Variants in EBF1 observed in about 807,000 individuals in gnomAD.
The protein encoded by EBF1 is transcription factor COE1.
A neutral mutation model predicts 68.4 loss-of-function variants in EBF1; 10 were observed. The observed-to-expected ratio is 0.15, with a 90% CI of 0.09 to 0.25. The LOEUF is 0.25. Among genes scored for constraint, EBF1 ranks in the 10% least tolerant of loss-of-function variants. The pLI is 1.00. For synonymous variants in EBF1, 298 were observed against 299.8 expected, an observed-to-expected ratio of 0.99 and a Z score of 0.06; for missense variants, 509 against 794.4, an observed-to-expected ratio of 0.64 and a Z score of 4.32.
At chr5:158,824,911 A>G (rs1418639279) in intron 7 of EBF1, among the ~76,000 whole-genome samples, 1 of 152,222 alleles carries the variant, frequency 6.6e-6, no homozygotes, top group Non-Finnish European at 1.5e-5. Flanking sequence ...CTATGAACAC[A>G]TCACCCATAC....
At chr5:158,763,923 T>A (rs1188692451) in intron 10 of EBF1, among the ~76,000 whole-genome samples, 1 of 152,158 alleles carries the variant, frequency 6.6e-6, no homozygotes, top group African/African-American at 2.4e-5. Context: ...GTCCAGGCTA[T>A]CTCTGAGGAC....
At chr5:158,769,813 T>C (rs1258834231) in intron 10 of EBF1, among the ~76,000 whole-genome samples, 1 of 152,114 alleles carries the variant, frequency 6.6e-6, no homozygotes, top group Non-Finnish European at 1.5e-5. Flanking sequence ...AATTCTTTTC[T>C]TTGTGTGTAA....
chr5:158,912,844 G>A (rs185364323), intron 6 of EBF1, among the ~76,000 whole-genome samples: 32 of 152,224 alleles, frequency 2.1e-4, no homozygotes, highest in Non-Finnish European at 5.9e-5. Flanking sequence ...AAAAGATGTA[G>A]CACATGAAAA....
At chr5:159,018,494 T>C (rs1454628064) in intron 6 of EBF1, among the ~76,000 whole-genome samples, 2 of 152,238 alleles carry the variant, frequency 1.3e-5, no homozygotes, top group Non-Finnish European at 2.9e-5. Flanking sequence ...ACACAGTGAG[T>C]GTATGAAGAA....
chr5:158,986,617 A>ATATTC (rs976941053), intron 6 of EBF1, among the ~76,000 whole-genome samples: 5 of 152,244 alleles, frequency 3.3e-5, no homozygotes, highest in African/African-American at 1.2e-4. Context: ...TTCTTAAAAA[A>ATATTC]TATTCTGCCG....
Position 158,793,759 on chromosome 5 carries a change from C to G in EBF1, c.909+2586G>C, listed in dbSNP as rs566764732. Reference sequence around the variant, plus strand: ...CCATAAAGTGCCTACACATGATGAACCCTTAGCAAGTCTGAGCTATTTCTC... The same window carrying G: ...CCATAAAGTGCCTACACATGATGAAGCCTTAGCAAGTCTGAGCTATTTCTC... On this transcript the variant is annotated intron_variant, in intron 9 of 15. Coordinates refer to ENST00000313708, the MANE Select transcript of EBF1 (RefSeq NM_024007.5). Among the ~76,000 whole-genome samples, 6 of 152,250 alleles carry G rather than the reference C, an allele frequency of 3.9e-5. No homozygotes were observed. The South Asian group carries it at 1.2e-3, about 32-fold the overall frequency.
intron 14 of EBF1, among the ~76,000 whole-genome samples, chr5:158,709,583 G>C (rs1049650038): frequency 7.9e-5 from 12 of 152,172 alleles, no homozygotes; most frequent in Non-Finnish European, 1.5e-5. Flanking sequence ...TTGGTCATAG[G>C]CAACAATTGC....
At chr5:158,986,006 C>A (rs1758954942) in intron 6 of EBF1, 1 of 152,448 alleles carries the variant, frequency 6.6e-6, no homozygotes, top group African/African-American at 2.4e-5. Context: ...TCAATAACCA[C>A]TTACCCCAGC....
chr5:159,077,910 G>C (rs1025693355), intron 5 of EBF1, among the ~76,000 whole-genome samples: 1 of 151,672 alleles, frequency 6.6e-6, no homozygotes, highest in Non-Finnish European at 1.5e-5. Flanking sequence ...GGCTAATTTT[G>C]TGTATTTTTT....
At chr5:159,074,220 G>A (rs1001237360) in intron 5 of EBF1, among the ~76,000 whole-genome samples, 3 of 152,142 alleles carry the variant, frequency 2.0e-5, no homozygotes, top group Non-Finnish European at 4.4e-5. Context: ...CTATGGGCTC[G>A]AAAAGTACCT....
At chr5:159,046,103 G>A (rs540250240) in intron 6 of EBF1, among the ~76,000 whole-genome samples, 1 of 152,068 alleles carries the variant, frequency 6.6e-6, no homozygotes, top group Non-Finnish European at 1.5e-5. Context: ...ATTCCTCCAA[G>A]TCTAACTCAA....
chr5:158,882,959 A>G (rs1799176423), intron 6 of EBF1, among the ~76,000 whole-genome samples: 1 of 152,002 alleles, frequency 6.6e-6, no homozygotes, highest in Admixed American at 6.6e-5. Context: ...GAATCATTCC[A>G]TTTCTATTTG....
chr5:159,021,663 TC>T (rs1399739918), intron 6 of EBF1, among the ~76,000 whole-genome samples: 1 of 152,164 alleles, frequency 6.6e-6, no homozygotes, highest in Non-Finnish European at 1.5e-5. Context: ...AAACCCTAAT[TC>T]CCAGTCTTTT....
intron 6 of EBF1, among the ~76,000 whole-genome samples, chr5:159,040,801 G>A (rs1000662121): frequency 1.3e-5 from 2 of 152,158 alleles, no homozygotes; most frequent in African/African-American, 4.8e-5. Flanking sequence ...CTATAAATCA[G>A]AATTCCATAC....
chr5:158,929,953 A>G (rs75001624), intron 6 of EBF1, among the ~76,000 whole-genome samples: 2,861 of 152,334 alleles, frequency 0.019, 108 homozygotes, highest in African/African-American at 0.065. Context: ...TGCCTGTACC[A>G]GCATCAAAGT....
At chr5:158,773,543 G>T (rs148719679) in intron 10 of EBF1, among the ~76,000 whole-genome samples, 115 of 152,186 alleles carry the variant, frequency 7.6e-4, no homozygotes, top group African/African-American at 2.6e-3. Flanking sequence ...GGGTCAGGTG[G>T]TGTACAGCTC....
At chr5:158,858,547 T>C (rs1445120525) in intron 6 of EBF1, among the ~76,000 whole-genome samples, 2 of 152,170 alleles carry the variant, frequency 1.3e-5, no homozygotes, top group Non-Finnish European at 2.9e-5. Flanking sequence ...AAACATTTAG[T>C]AGAAGCTGAA....
rs1320340582 is a variant in EBF1 at position 158,780,321 on chromosome 5, C to T, written c.910-2782G>A. Among the ~76,000 whole-genome samples the T allele has an allele frequency of 6.6e-5, 10 of 150,762 alleles. No individual in the cohort carries two copies. The East Asian group carries it at 2.0e-3, about 30-fold the overall frequency. ...GGTGTAGAACTCCGGACCCACAAAT[C>T]ACAAAATAAATTTCACACATTGTTC... On this transcript the variant is annotated intron_variant, in intron 9 of 15. Transcript: ENST00000313708.
Position 158,845,846 on chromosome 5 carries a change from G to T in EBF1, c.555-5736C>A, listed in dbSNP as rs114662325. On this transcript the variant is annotated intron_variant, in intron 6 of 15. Transcript: ENST00000313708. ...AACTCCAGCCAGTCAGAACTGAAGG[G>T]CACACACAGTAAAACTGCCCATTAG... Among the ~76,000 whole-genome samples the T allele has an allele frequency of 3.3e-5, 5 of 152,114 alleles. No homozygotes were observed. The East Asian group carries it at 9.6e-4, about 29-fold the overall frequency.
Sources: allele counts gnomAD v4.1 joint callset (sites outside exome capture counted in the v4.1 genomes callset), GRCh38; gene constraint gnomAD v4.1.1; transcripts MANE v1.5; gene names NCBI Gene and HGNC (gene_info 2026-07-23, HGNC 2026-07-21).